MYO16: variants seen among roughly 807,000 people sequenced by gnomAD.
The protein encoded by MYO16 is unconventional myosin-XVI.
A neutral mutation model predicts 205.3 loss-of-function variants in MYO16; 94 were observed. That is an observed-to-expected ratio of 0.46 (90% confidence interval 0.39 to 0.54). The LOEUF is 0.54. Among genes scored for constraint, MYO16 ranks in the 20% least tolerant of loss-of-function variants. The probability of loss-of-function intolerance (pLI) is 0.00; values close to 1 mark genes in which losing one functional copy is unlikely to be tolerated. For synonymous variants in MYO16, 988 were observed against 954.0 expected (o/e 1.04, Z -0.66); for missense variants, 2,315 against 2,387.5 (o/e 0.97, Z 0.63).
chr13:109,164,906 G>A lies in MYO16; in HGVS notation c.5170G>A (p.Glu1724Lys), dbSNP rs1181418336. The A allele has an allele frequency of 6.4e-7, 1 of 1,557,900 alleles. No homozygotes were observed. The highest frequency in any genetic ancestry group is 2.3e-5 in the East Asian group (1 of 43,320). Residue 1724 changes from glutamate to lysine, a missense_variant, in exon 33 of 35, where the codon GAA becomes AAA. By Grantham distance (56) the Glu-to-Lys change is moderately conservative (BLOSUM62 1). Around this residue, in one of 3 missense-constraint regions of MYO16, gnomAD observed 1,097 missense variants for 1,092.0 expected, o/e 1.00. Transcript: ENST00000457511. ...GRKIREAEGF[E>K]TNMNISSRDD... ...TTTTCTAAAATTTATTTTAGGTTTT[G>A]AAACTAACATGAACATAAGTAGCCG...
At chr13:108,922,798 T>A (rs1316506389) in intron 16 of MYO16, among the ~76,000 whole-genome samples, 2 of 152,224 alleles carry the variant, frequency 1.3e-5, no homozygotes, top group Non-Finnish European at 2.9e-5. Flanking sequence ...ATAATAGGAA[T>A]TAGCACTTTG....
Position 109,137,042 on chromosome 13 carries a change from G to A in MYO16, c.4052-3222G>A, listed in dbSNP as rs111446679. ...CACTGCAGTCAGATAGTGATCACTG[G>A]AAGTCATAGTCAATTACATCTCTGG... On this transcript the variant is annotated intron_variant, in intron 31 of 34. Transcript: ENST00000457511. Among the ~76,000 whole-genome samples the A allele has an allele frequency of 7.0e-3, 1,062 of 152,316 alleles. 8 individuals are homozygous for A. Among genetic ancestry groups the A allele is most frequent in the African/African-American group, 0.024 (1,011 of 41,580 alleles).
In MYO16 at chr13:109,173,947, T is replaced by TGGG. The variant is rs1555338661; in HGVS notation, c.5324-5588_5324-5586dup. Reference sequence around the variant, plus strand: ...TCTGAAAGGGTTGTCCTTGTTTTGATGGGGGGGGGTACTCTCTGCTGTTTT... The same window carrying TGGG: ...TCTGAAAGGGTTGTCCTTGTTTTGATGGGGGGGGGGGGTACTCTCTGCTGTTTT... On this transcript the variant is annotated intron_variant, in intron 33 of 34. Coordinates refer to ENST00000457511, the MANE Select transcript of MYO16 (RefSeq NM_001198950.3). Among the ~76,000 whole-genome samples, 342 of 115,182 alleles carry TGGG rather than the reference T, an allele frequency of 3.0e-3. 8 individuals carry two copies. The highest frequency in any genetic ancestry group is 0.011 in the African/African-American group (319 of 28,810). 75.6% of individuals were successfully genotyped at this position (115,182 alleles called of 152,430 possible). A position where few individuals can be genotyped will look rare whatever the true frequency, so the allele number is the denominator to read the frequency against.
the MYO16 span, among the ~76,000 whole-genome samples, chr13:108,523,441 T>A: frequency 6.6e-6 from 1 of 152,316 alleles, no homozygotes; most frequent in African/African-American, 2.4e-5. Context: ...GGCAGTAGCA[T>A]CTTCCCTTTA....
At chr13:108,685,343 T>C (rs1307253782) in intron 2 of MYO16, among the ~76,000 whole-genome samples, 1 of 152,048 alleles carries the variant, frequency 6.6e-6, no homozygotes, top group African/African-American at 2.4e-5. Context: ...TTGTAGCTGG[T>C]TGGTCAGAAG....
At chr13:108,970,761 G>T (rs945660656) in intron 20 of MYO16, among the ~76,000 whole-genome samples, 14 of 152,156 alleles carry the variant, frequency 9.2e-5, no homozygotes, top group African/African-American at 3.4e-4. Context: ...TGTGTGTGCT[G>T]GTTGCTCCCA....
At chr13:108,916,556 C>T (rs1235368217) in intron 16 of MYO16, among the ~76,000 whole-genome samples, 1 of 152,194 alleles carries the variant, frequency 6.6e-6, no homozygotes, top group Non-Finnish European at 1.5e-5. Context: ...CTAGGGATTG[C>T]CACCTCTAAT....
the MYO16 span, among the ~76,000 whole-genome samples, chr13:108,547,350 A>T: frequency 6.6e-6 from 1 of 151,918 alleles, no homozygotes; most frequent in Non-Finnish European, 1.5e-5. Context: ...GGTACCCACA[A>T]GCAGTGTGCA....
intron 1 of MYO16, among the ~76,000 whole-genome samples, chr13:108,620,699 A>T (rs190575074): frequency 2.4e-4 from 37 of 152,282 alleles, no homozygotes; most frequent in African/African-American, 7.9e-4. Flanking sequence ...CGATGATGGG[A>T]TGTGCTGTCC....
intron 16 of MYO16, among the ~76,000 whole-genome samples, chr13:108,922,295 G>A (rs1251733400): frequency 1.3e-5 from 2 of 152,192 alleles, no homozygotes; most frequent in Admixed American, 6.5e-5. Context: ...TGGGAGGCCT[G>A]TTGGGTGGGG....
intron 31 of MYO16, among the ~76,000 whole-genome samples, chr13:109,133,055 A>G (rs1876612820): frequency 6.6e-6 from 1 of 152,206 alleles, no homozygotes; most frequent in South Asian, 2.1e-4. Flanking sequence ...ATGGAAGGCA[A>G]TGGTATTGCC....
chr13:108,984,735 T>G (rs1594446770), intron 20 of MYO16, among the ~76,000 whole-genome samples: 1 of 152,294 alleles, frequency 6.6e-6, no homozygotes, highest in East Asian at 1.9e-4. Flanking sequence ...ACTCACCATC[T>G]TCTCTGTGAC....
intron 31 of MYO16, among the ~76,000 whole-genome samples, chr13:109,138,811 A>AATTTATTT (rs955684988): frequency 1.3e-5 from 2 of 151,540 alleles, no homozygotes; most frequent in Admixed American, 1.3e-4. Context: ...AATTTAATTT[A>AATTTATTT]ATTTATTTAT....
At chr13:108,543,749 T>C in the MYO16 span, among the ~76,000 whole-genome samples, 10 of 148,734 alleles carry the variant, frequency 6.7e-5, 1 homozygote, top group African/African-American at 1.5e-4. Flanking sequence ...TCTTTTTTTT[T>C]TTTTTTTTAA....
intron 2 of MYO16, among the ~76,000 whole-genome samples, chr13:108,689,356 A>G (rs1882804357): frequency 6.6e-6 from 1 of 152,152 alleles, no homozygotes; most frequent in African/African-American, 2.4e-5. Flanking sequence ...TACATTAAAT[A>G]ACTGTACATT....
At chr13:108,536,411 T>C in the MYO16 span, among the ~76,000 whole-genome samples, 16 of 147,320 alleles carry the variant, frequency 1.1e-4, no homozygotes, top group Non-Finnish European at 3.0e-5. Context: ...GCAAACAGTT[T>C]AAGTTATGAA....
chr13:108,812,230 A>G (rs1362848467), intron 7 of MYO16, among the ~76,000 whole-genome samples: 1 of 151,506 alleles, frequency 6.6e-6, no homozygotes, highest in African/African-American at 2.4e-5. Flanking sequence ...AGCACCCTGC[A>G]TATCCCGTAT....
intron 27 of MYO16, among the ~76,000 whole-genome samples, chr13:109,084,001 C>A (rs1179319694): frequency 6.6e-6 from 1 of 152,090 alleles, no homozygotes; most frequent in African/African-American, 2.4e-5. Flanking sequence ...TAAAGTTGAT[C>A]CATTTTGTCA....
chr13:108,558,413 G>A, the MYO16 span, among the ~76,000 whole-genome samples: 1 of 152,330 alleles, frequency 6.6e-6, no homozygotes, highest in Non-Finnish European at 1.5e-5. Context: ...TGAATCAAAG[G>A]GTAAGACATT....
Sources: allele counts gnomAD v4.1 joint callset (sites outside exome capture counted in the v4.1 genomes callset), GRCh38; gene constraint gnomAD v4.1.1; regional missense constraint gnomAD v4.1.1; transcripts MANE v1.5; gene names NCBI Gene and HGNC (gene_info 2026-07-23, HGNC 2026-07-21).